Variants in MYO5B observed in about 807,000 individuals in gnomAD.
MYO5B encodes the protein unconventional myosin-Vb.
MYO5B carries 143 observed loss-of-function variants against 229.3 expected under a neutral mutation model. The observed-to-expected ratio is 0.62, with a 90% CI of 0.54 to 0.72. The LOEUF is 0.72. MYO5B is among the 30% of genes least tolerant of loss of function. MYO5B has a pLI of 0.00. For synonymous variants in MYO5B, 918 were observed against 885.2 expected (o/e 1.04, Z -0.66); for missense variants, 2,321 against 2,331.0 (o/e 1.00, Z 0.09).
At chr18:49,981,821 C>T (rs1033084460) in intron 8 of MYO5B, among the ~76,000 whole-genome samples, 11 of 152,146 alleles carry the variant, frequency 7.2e-5, no homozygotes, top group Non-Finnish European at 1.3e-4. Context: ...AGAATTTAAG[C>T]GTCCATCTTG....
At chr18:50,087,967 T>C (rs1465087713) in intron 1 of MYO5B, among the ~76,000 whole-genome samples, 1 of 152,176 alleles carries the variant, frequency 6.6e-6, no homozygotes, top group East Asian at 1.9e-4. Flanking sequence ...AACTCTGAGA[T>C]GGCAGAGATT....
intron 27 of MYO5B, among the ~76,000 whole-genome samples, chr18:49,866,351 G>A (rs980876966): frequency 9.9e-5 from 15 of 152,100 alleles, no homozygotes; most frequent in African/African-American, 3.6e-4. Flanking sequence ...TTACAGGCAT[G>A]AGCCGCCACG....
Position 49,837,818 on chromosome 18 carries a change from A to C in MYO5B, c.4853-16T>G, listed in dbSNP as rs776073123. On this transcript the variant is annotated splice_polypyrimidine_tract_variant and intron_variant, in intron 36 of 39. Coordinates refer to ENST00000285039, the MANE Select transcript of MYO5B (RefSeq NM_001080467.3). The stretch of plus-strand genomic sequence containing the variant: ...ATGGCAGAAACTGAAATAAAAGCAC[A>C]GTTAGAGAAGCTTGCATTCCCCACT... 4.2e-5 allele frequency: 68 copies of C among 1,613,602 alleles called. No homozygotes were observed. Among genetic ancestry groups the C allele is most frequent in the Non-Finnish European group, 5.4e-5 (64 of 1,180,002 alleles).
chr18:50,023,251 A>G (rs1015659663), intron 4 of MYO5B, among the ~76,000 whole-genome samples: 1 of 152,174 alleles, frequency 6.6e-6, no homozygotes, highest in African/African-American at 2.4e-5. Flanking sequence ...AAAGAGCTCT[A>G]GAGAATGGGA....
intron 14 of MYO5B, among the ~76,000 whole-genome samples, chr18:49,939,729 G>A (rs570042275): frequency 2.0e-5 from 3 of 152,258 alleles, no homozygotes; most frequent in Non-Finnish European, 2.9e-5. Context: ...GGATGCCCAG[G>A]TCAGAATTTG....
chr18:50,018,654 G>A (rs921998531), intron 4 of MYO5B, among the ~76,000 whole-genome samples: 2 of 152,142 alleles, frequency 1.3e-5, no homozygotes, highest in African/African-American at 4.8e-5. Flanking sequence ...ACAGAGAGCT[G>A]GTATCACTTG....
In MYO5B at chr18:49,841,469, G is replaced by A. The variant is rs761754024; in HGVS notation, c.4612-15C>T. On this transcript the variant is annotated splice_polypyrimidine_tract_variant and intron_variant, in intron 34 of 39. Transcript: ENST00000285039. ...TCATTGTGCTTCTGTGAAAAGAAAAGGACATCCTCAGCTCTAAGTGGCTCC... is the reference window on the plus strand; with the variant it reads ...TCATTGTGCTTCTGTGAAAAGAAAAAGACATCCTCAGCTCTAAGTGGCTCC... 1.4e-5 allele frequency: 23 copies of A among 1,611,346 alleles called. No homozygotes were observed. Among genetic ancestry groups the A allele is most frequent in the Non-Finnish European group, 2.0e-5 (23 of 1,177,520 alleles).
intron 21 of MYO5B, among the ~76,000 whole-genome samples, chr18:49,902,291 C>T (rs1385212507): frequency 4.0e-5 from 4 of 100,250 alleles, no homozygotes; most frequent in Admixed American, 3.2e-4. Context: ...TTAGGAGGAC[C>T]CCTGTTATAT....
chr18:50,052,268 C>T (rs1436183353), intron 2 of MYO5B, among the ~76,000 whole-genome samples: 5 of 151,768 alleles, frequency 3.3e-5, no homozygotes, highest in Non-Finnish European at 7.4e-5. Context: ...ATGTTTACTG[C>T]GGCACTATTC....
At chr18:50,036,713 G>A (rs890943606) in intron 4 of MYO5B, 137 bp downstream of exon 4, 46 of 983,864 alleles carry the variant, frequency 4.7e-5, no homozygotes, top group Non-Finnish European at 6.8e-5. Flanking sequence ...TAGAACTTGG[G>A]CTGCTTTGTT....
intron 4 of MYO5B, among the ~76,000 whole-genome samples, chr18:50,012,597 T>G (rs1405765060): frequency 4.6e-5 from 7 of 152,198 alleles, no homozygotes; most frequent in Non-Finnish European, 1.0e-4. Context: ...AAGATTCAGG[T>G]GCAAATCCTG....
In MYO5B at chr18:49,953,299, C is replaced by G. The variant is rs185840586; in HGVS notation, c.1713G>C (p.Thr571=). The G allele has an allele frequency of 4.2e-4, 681 of 1,614,126 alleles. 5 individuals carry two copies. The highest frequency in any genetic ancestry group is 9.8e-4 in the Admixed American group (59 of 60,022). The part of the protein sequence containing the change: ...SDGFLEKNRD[T]VYEEQINILK... ...GGATATTGATCTGCTCTTCATACAC[C>G]GTGTCTCTGTTTTTCTCCAGAAAAC... The change falls in exon 14 of 40, where the codon ACG becomes ACC. Residue 571 remains threonine (T), a synonymous_variant. Coordinates refer to ENST00000285039, the MANE Select transcript of MYO5B (RefSeq NM_001080467.3).
chr18:49,924,945 C>A (rs560470615), intron 17 of MYO5B, among the ~76,000 whole-genome samples: 3 of 152,266 alleles, frequency 2.0e-5, no homozygotes, highest in African/African-American at 4.8e-5. Context: ...AAAACAAAAA[C>A]AGTATATTGG....
At chr18:49,955,054 G>A (rs770633925) in intron 12 of MYO5B, among the ~76,000 whole-genome samples, 1 of 152,124 alleles carries the variant, frequency 6.6e-6, no homozygotes, top group Non-Finnish European at 1.5e-5. Context: ...CTGTAAGTTT[G>A]TTGTGATCAA....
intron 29 of MYO5B, among the ~76,000 whole-genome samples, chr18:49,859,725 G>A (rs1781276494): frequency 6.6e-6 from 1 of 152,150 alleles, no homozygotes; most frequent in Non-Finnish European, 1.5e-5. Flanking sequence ...GAACTTTGGG[G>A]AACATAAGGA....
At chr18:49,922,690 C>A (rs955033984) in intron 17 of MYO5B, among the ~76,000 whole-genome samples, 1 of 151,922 alleles carries the variant, frequency 6.6e-6, no homozygotes, top group South Asian at 2.1e-4. Context: ...TAATTCCACA[C>A]ATTTAATTCA....
intron 1 of MYO5B, among the ~76,000 whole-genome samples, chr18:50,067,829 A>G (rs1195516613): frequency 6.6e-6 from 1 of 152,162 alleles, no homozygotes; most frequent in East Asian, 1.9e-4. Flanking sequence ...TCTTCTATCA[A>G]CTACCCAGCC....
chr18:50,016,419 T>C (rs2026216172), intron 4 of MYO5B, among the ~76,000 whole-genome samples: 1 of 152,232 alleles, frequency 6.6e-6, no homozygotes, highest in African/African-American at 2.4e-5. Context: ...TTGGTTAGCA[T>C]GTGCAGTAAC....
intron 32 of MYO5B, among the ~76,000 whole-genome samples, 154 bp from the exon 33 acceptor site, chr18:49,847,443 G>T (rs2024144319): frequency 6.6e-6 from 1 of 152,132 alleles, no homozygotes; most frequent in Non-Finnish European, 1.5e-5. Flanking sequence ...GGGGCATACT[G>T]GGTTCTCCAA....
Sources: gnomAD v4.1 joint callset for allele counts (sites outside exome capture counted in the v4.1 genomes callset) on GRCh38, gnomAD v4.1.1 for gene constraint, MANE v1.5 for transcripts, NCBI Gene and HGNC (gene_info 2026-07-23, HGNC 2026-07-21) for gene names.